The following NELL2 variants were observed in gnomAD, a reference collection of about 807,000 sequenced individuals.
NELL2 encodes the protein neural EGFL like 2.
Under a neutral mutation model 109.6 loss-of-function variants are expected in NELL2, and 41 were observed. The ratio of observed to expected loss-of-function variants is 0.37; its 90% confidence interval spans 0.29 to 0.49. NELL2 has a LOEUF of 0.49. NELL2 is among the 20% of genes least tolerant of loss of function. NELL2 has a pLI of 0.98. For synonymous variants in NELL2, 355 were observed against 344.7 expected, an observed-to-expected ratio of 1.03 and a Z score of -0.33; for missense variants, 900 against 1,008.3, an observed-to-expected ratio of 0.89 and a Z score of 1.45.
chr12:44,699,507 C>G (rs903253295), intron 12 of NELL2, among the ~76,000 whole-genome samples: 1 of 152,062 alleles, frequency 6.6e-6, no homozygotes, highest in East Asian at 1.9e-4. Flanking sequence ...AAAAGTGGGT[C>G]GGGCAGAAGA....
chr12:44,623,089 C>T (rs778829234), intron 13 of NELL2, among the ~76,000 whole-genome samples: 30 of 151,948 alleles, frequency 2.0e-4, no homozygotes, highest in South Asian at 4.1e-4. Context: ...GTTATAAATA[C>T]GTGTTAAGGT....
intron 19 of NELL2, among the ~76,000 whole-genome samples, chr12:44,519,708 T>A (rs1379878654): frequency 1.3e-5 from 2 of 152,190 alleles, no homozygotes; most frequent in Non-Finnish European, 2.9e-5. Context: ...TCAGCTTTTT[T>A]AAAAGATGTG....
At chr12:44,594,186 T>C (rs1046574689) in intron 15 of NELL2, among the ~76,000 whole-genome samples, 4 of 152,096 alleles carry the variant, frequency 2.6e-5, no homozygotes, top group Admixed American at 6.5e-5. Context: ...AAATACCTAA[T>C]GCAGATGACG....
chr12:44,873,827 C>A (rs1335416554), intron 2 of NELL2, among the ~76,000 whole-genome samples: 1 of 151,836 alleles, frequency 6.6e-6, no homozygotes, highest in Non-Finnish European at 1.5e-5. Flanking sequence ...GCCTTATCTT[C>A]TTTATTATAT....
At chr12:44,589,515 C>T (rs1403510017) in intron 15 of NELL2, among the ~76,000 whole-genome samples, 1 of 152,108 alleles carries the variant, frequency 6.6e-6, no homozygotes, top group African/African-American at 2.4e-5. Context: ...TCCCGAGTAG[C>T]TGGGACTACA....
At chr12:44,605,100 GGA>G (rs1009116326) in intron 15 of NELL2, among the ~76,000 whole-genome samples, 1 of 152,088 alleles carries the variant, frequency 6.6e-6, no homozygotes, top group African/African-American at 2.4e-5. Context: ...GAATCATGGA[GGA>G]GATAATGAAT....
rs1173783153 is a variant in NELL2 at position 44,619,499 on chromosome 12, C to T, written c.1445-8529G>A. Among the ~76,000 whole-genome samples, 3 of 152,136 alleles carry T rather than the reference C, an allele frequency of 2.0e-5. No homozygotes were observed. The East Asian group carries it at 5.8e-4, about 29-fold the overall frequency. On this transcript the variant is annotated intron_variant, in intron 13 of 19. Coordinates refer to ENST00000429094, the MANE Select transcript of NELL2 (RefSeq NM_001145108.2). Reference sequence around the variant, plus strand: ...TTCTCATGTTAGAAAGTTAGCATTCCTCTCTCTTTTTAATCCCTCTTTCCT... The same window carrying T: ...TTCTCATGTTAGAAAGTTAGCATTCTTCTCTCTTTTTAATCCCTCTTTCCT...
At position 44,891,385 on chromosome 12, in the gene NELL2, C is replaced by A. The variant is rs73283005; in HGVS notation, c.39-15485G>T. Among the ~76,000 whole-genome samples the A allele has an allele frequency of 4.4e-3, 677 of 152,334 alleles. 4 individuals are homozygous for A. Among genetic ancestry groups the A allele is most frequent in the African/African-American group, 0.015 (622 of 41,572 alleles). ...CCCTAGCAGATTCACATGCAATATG[C>A]ACCTTCTAATAATGTTCTTGTAGTT... On this transcript the variant is annotated intron_variant, in intron 1 of 20. Coordinates refer to the NELL2 transcript ENST00000333837.
At chr12:44,675,915 G>A (rs1451240254) in intron 12 of NELL2, among the ~76,000 whole-genome samples, 3 of 152,064 alleles carry the variant, frequency 2.0e-5, no homozygotes, top group Admixed American at 6.6e-5. Flanking sequence ...GAGTCTCAGA[G>A]GCAGTGAGCA....
intron 9 of NELL2, among the ~76,000 whole-genome samples, chr12:44,769,324 G>A (rs1204691331): frequency 6.6e-6 from 1 of 151,990 alleles, no homozygotes; most frequent in Admixed American, 6.6e-5. Flanking sequence ...TAATATTAAT[G>A]AAAGCAGCCC....
chr12:44,746,291 A>C (rs1282233524), intron 9 of NELL2, among the ~76,000 whole-genome samples: 3 of 152,232 alleles, frequency 2.0e-5, no homozygotes, highest in African/African-American at 7.2e-5. Context: ...TTATACAAAA[A>C]TTAACTCAAG....
At chr12:44,747,340 C>G (rs1016738693) in intron 9 of NELL2, among the ~76,000 whole-genome samples, 1 of 151,924 alleles carries the variant, frequency 6.6e-6, no homozygotes, top group Admixed American at 6.6e-5. Context: ...AGGAGATATA[C>G]CTAATGTTAA....
rs140003151 is a variant in NELL2, at chr12:44,540,968, G to A, written c.1664-8247C>T. Among the ~76,000 whole-genome samples the A allele has an allele frequency of 8.7e-3, 1,326 of 151,746 alleles. 10 individuals carry two copies. The highest frequency in any genetic ancestry group is 0.017 in the Middle Eastern group (5 of 294). ...CTGAAAGAAATAGAGATAATTGGCC[G>A]GGCGCGGTGGCTCACACCTGTAATC... is the stretch of plus-strand genomic sequence containing the variant. On this transcript the variant is annotated intron_variant, in intron 15 of 19. Coordinates refer to ENST00000429094, the MANE Select transcript of NELL2 (RefSeq NM_001145108.2).
At chr12:44,871,868 T>A (rs1318572403) in intron 2 of NELL2, among the ~76,000 whole-genome samples, 1 of 152,216 alleles carries the variant, frequency 6.6e-6, no homozygotes, top group Non-Finnish European at 1.5e-5. Context: ...ATGCTTTGAT[T>A]TTATCCACTT....
chr12:44,779,555 AT>A, intron 5 of NELL2, 107 bp downstream of exon 5: 1 of 861,798 alleles, frequency 1.2e-6, no homozygotes, highest in Non-Finnish European at 1.8e-6. Flanking sequence ...AAATTTTCTA[AT>A]TTACAAATCA....
chr12:44,787,405 G>A (rs1033948812), intron 3 of NELL2, among the ~76,000 whole-genome samples: 1 of 151,806 alleles, frequency 6.6e-6, no homozygotes, highest in Non-Finnish European at 1.5e-5. Context: ...AAATTTAGCT[G>A]TAGACAACAT....
At chr12:44,742,198 A>G (rs2136501057) in intron 9 of NELL2, among the ~76,000 whole-genome samples, 1 of 152,308 alleles carries the variant, frequency 6.6e-6, no homozygotes, top group East Asian at 1.9e-4. Context: ...CCAGGCAAAC[A>G]GGGTCTGGAG....
intron 15 of NELL2, among the ~76,000 whole-genome samples, chr12:44,538,104 TC>T (rs991888770): frequency 5.3e-5 from 8 of 152,206 alleles, no homozygotes; most frequent in Non-Finnish European, 2.9e-5. Context: ...AATATTCTTA[TC>T]CTTATGTCAT....
chr12:44,883,185 GC>G (rs1289702701), intron 1 of NELL2, among the ~76,000 whole-genome samples: 1 of 151,772 alleles, frequency 6.6e-6, no homozygotes, highest in African/African-American at 2.4e-5. Flanking sequence ...AAGGCCATAA[GC>G]CTGACACCAG....
Sources: gnomAD v4.1 joint callset for allele counts (sites outside exome capture counted in the v4.1 genomes callset) on GRCh38, gnomAD v4.1.1 for gene constraint, MANE v1.5 for transcripts, NCBI Gene and HGNC (gene_info 2026-07-23, HGNC 2026-07-21) for gene names.